SAAL1: variants seen among roughly 807,000 people sequenced by gnomAD.
The protein encoded by SAAL1 is protein SAAL1.
A neutral mutation model predicts 59.8 loss-of-function variants in SAAL1; 42 were observed. The observed-to-expected ratio is 0.70, with a 90% CI of 0.55 to 0.91. The LOEUF is 0.91. Among genes scored for constraint, SAAL1 ranks in the 40% least tolerant of loss-of-function variants. SAAL1 has a pLI of 0.00. For synonymous variants in SAAL1, 191 were observed against 194.3 expected (o/e 0.98, Z 0.14); for missense variants, 542 against 561.1 (o/e 0.97, Z 0.34).
In SAAL1 at chr11:18,090,427, A is replaced by T. The variant is rs920917376; in HGVS notation, c.473+7T>A. 4 of 1,604,342 alleles carry T rather than the reference A, an allele frequency of 2.5e-6. No individual in the cohort carries two copies. Among genetic ancestry groups the T allele is most frequent in the African/African-American group, 1.3e-5 (1 of 74,150 alleles). ...ACCTTATAGAATTCATAAAAGGAAA[A>T]GCATACCTGCTTGTTTCCAGCAGAG... is the stretch of plus-strand genomic sequence containing the variant. On this transcript the variant is annotated splice_region_variant and intron_variant, in intron 5 of 11. Transcript: ENST00000524803.
At position 18,090,547 on chromosome 11, in the gene SAAL1, CAG is replaced by C. The variant is rs1279842317; in HGVS notation, c.414-56_414-55del. 15 of 1,556,978 alleles carry C rather than the reference CAG, an allele frequency of 9.6e-6. No individual in the cohort carries two copies. In the African/African-American group the frequency reaches 1.1e-4, roughly 11 times the overall value. ...GCCTCACTTCTCGCATTTAAAATAT[CAG>C]AGTTTTCATTTAATTTTTTGAACAT... On this transcript the variant is annotated intron_variant, in intron 4 of 11. Transcript: ENST00000524803.
chr11:18,083,833 G>A (rs1398115548), intron 9 of SAAL1, 102 bp from the exon 10 acceptor site: 5 of 621,426 alleles, frequency 8.0e-6, no homozygotes, highest in Non-Finnish European at 1.3e-5. Flanking sequence ...GGGTATTACA[G>A]ATACACTGGT....
intron 7 of SAAL1, among the ~76,000 whole-genome samples, chr11:18,088,770 C>T (rs1381960666): frequency 6.6e-6 from 1 of 152,136 alleles, no homozygotes; most frequent in Non-Finnish European, 1.5e-5. Flanking sequence ...TTATCCCTCA[C>T]TTGGATAAAG....
intron 7 of SAAL1, among the ~76,000 whole-genome samples, chr11:18,089,095 G>A (rs11024472): frequency 0.41 from 63,063 of 152,052 alleles, 13,706 homozygotes; most frequent in African/African-American, 0.52. Flanking sequence ...ATAAAATATG[G>A]TAAGACAGAA....
Position 18,083,677 on chromosome 11 carries a change from C to T in SAAL1, c.1097G>A (p.Cys366Tyr), listed in dbSNP as rs1384478523. 6.2e-7 allele frequency: 1 copy of T among 1,611,928 alleles called. No individual in the cohort carries two copies. ...TGCCGAGTTCTCTGGTTTTTTCTGA[C>T]ACTGTTCCATATTTTGTAAGACCCG... ...LIRVLQNMEQ[C>Y]QKKPENSAES... Residue 366 changes from cysteine (C) to tyrosine (Y), a missense_variant, in exon 10 of 12, where the codon TGT becomes TAT. Cys to Tyr is a radical substitution (Grantham distance 194). Coordinates refer to ENST00000524803, the MANE Select transcript of SAAL1 (RefSeq NM_138421.3).
chr11:18,102,958 G>A (rs769798809), intron 2 of SAAL1, among the ~76,000 whole-genome samples: 1 of 152,150 alleles, frequency 6.6e-6, no homozygotes, highest in African/African-American at 2.4e-5. Context: ...AGGTAGGTAA[G>A]TATCAGAACT....
At position 18,103,296 on chromosome 11, in the gene SAAL1, C is replaced by G; in HGVS notation, c.186G>C (p.Leu62=). Residue 62 remains leucine, a synonymous_variant, in exon 2 of 12, where the codon CTG becomes CTC. Coordinates refer to ENST00000524803, the MANE Select transcript of SAAL1 (RefSeq NM_138421.3). ...TKSSSDDEEQ[L]TELDEEMENE... ...TCTCCATTTCTTCATCAAGCTCCGT[C>G]AGCTGCTCCTCATCATCTGAGCTAG... 2 of 1,614,070 alleles carry G rather than the reference C, an allele frequency of 1.2e-6. No homozygotes were observed. Among genetic ancestry groups the G allele is most frequent in the Non-Finnish European group, 1.7e-6 (2 of 1,180,018 alleles).
At chr11:18,086,430 G>A (rs1848464044) in intron 9 of SAAL1, among the ~76,000 whole-genome samples, 1 of 152,114 alleles carries the variant, frequency 6.6e-6, no homozygotes, top group African/African-American at 2.4e-5. Context: ...CAGGTGGGGT[G>A]GCTCACGCCT....
intron 7 of SAAL1, 70 bp downstream of exon 7, chr11:18,089,260 C>G: frequency 3.0e-6 from 4 of 1,348,616 alleles, no homozygotes; most frequent in Non-Finnish European, 4.0e-6. Flanking sequence ...TATAAGAAGA[C>G]TTTTATATCT....
At chr11:18,105,419 C>T (rs1056855011) in intron 1 of SAAL1, among the ~76,000 whole-genome samples, 3 of 151,000 alleles carry the variant, frequency 2.0e-5, no homozygotes, top group East Asian at 1.9e-4. Flanking sequence ...GCGATCCTTC[C>T]GCCTCGGCCT....
At chr11:18,102,766 A>C (rs996177647) in intron 2 of SAAL1, among the ~76,000 whole-genome samples, 5 of 152,240 alleles carry the variant, frequency 3.3e-5, no homozygotes, top group African/African-American at 1.2e-4. Context: ...GATCAAATAG[A>C]ATACTATATA....
intron 3 of SAAL1, among the ~76,000 whole-genome samples, chr11:18,095,174 A>C (rs1848560101): frequency 6.6e-6 from 1 of 152,200 alleles, no homozygotes; most frequent in African/African-American, 2.4e-5. Flanking sequence ...TGATTCTAAC[A>C]TGCAGCCAAG....
Position 18,089,367 on chromosome 11 carries a change from GC to G in SAAL1, c.732del (p.Val246CysfsTer78). 1 of 1,592,998 alleles carries G rather than the reference GC, an allele frequency of 6.3e-7. No homozygotes were observed. Among genetic ancestry groups the G allele is most frequent in the South Asian group, 1.1e-5 (1 of 87,250 alleles). On this transcript the variant is annotated frameshift_variant, in exon 7 of 12. Coordinates refer to ENST00000524803, the MANE Select transcript of SAAL1 (RefSeq NM_138421.3). LOFTEE classifies it high-confidence loss of function. Reference protein sequence around the residue: ...QEESEEQPVFRLVPCILEAAK... With the variant: ...QEESEEQPVFXLVPCILEAAK... ...GCAGCTTCAAGTATACAGGGCACAA[GC>G]CGAAACACTGGCTGCTCTTCAGACT...
At chr11:18,083,926 T>C (rs762774340) in intron 9 of SAAL1, among the ~76,000 whole-genome samples, 195 bp from the exon 10 acceptor site, 15 of 152,240 alleles carry the variant, frequency 9.9e-5, no homozygotes, top group Non-Finnish European at 2.1e-4. Flanking sequence ...TTTCAGGTTT[T>C]GGTTAAGTTC....
intron 2 of SAAL1, among the ~76,000 whole-genome samples, chr11:18,100,165 A>AAC (rs1848620316): frequency 7.2e-5 from 11 of 152,250 alleles, no homozygotes; most frequent in Admixed American, 7.2e-4. Context: ...GTAGAATAGA[A>AAC]AGTAGATCTG....
chr11:18,097,827 G>A (rs755453175), intron 2 of SAAL1, among the ~76,000 whole-genome samples: 2 of 133,450 alleles, frequency 1.5e-5, no homozygotes, highest in Non-Finnish European at 3.2e-5. Flanking sequence ...GCAACACAGC[G>A]AGAAAAAAAG....
chr11:18,102,063 G>A (rs1386905273), intron 2 of SAAL1, among the ~76,000 whole-genome samples: 7 of 152,100 alleles, frequency 4.6e-5, no homozygotes, highest in Non-Finnish European at 1.0e-4. Context: ...ATGGGTATGC[G>A]CTGTATCCTG....
At chr11:18,103,449 G>A in intron 1 of SAAL1, 103 bp from the exon 2 acceptor site, 1 of 893,722 alleles carries the variant, frequency 1.1e-6, no homozygotes, top group Non-Finnish European at 1.8e-6. Flanking sequence ...TCGTAACGCT[G>A]ATGAGAAAAA....
intron 10 of SAAL1, among the ~76,000 whole-genome samples, chr11:18,082,716 C>T (rs1300147710): frequency 2.6e-5 from 4 of 152,144 alleles, no homozygotes; most frequent in Non-Finnish European, 4.4e-5. Flanking sequence ...ACTGCAGCCT[C>T]GACCTCCTGG....
Sources: allele counts gnomAD v4.1 joint callset (sites outside exome capture counted in the v4.1 genomes callset), GRCh38; gene constraint gnomAD v4.1.1; transcripts MANE v1.5; gene names NCBI Gene and HGNC (gene_info 2026-07-23, HGNC 2026-07-21).